The following NLGN4Y variants were observed in gnomAD, a reference collection of about 807,000 sequenced individuals.
NLGN4Y encodes the protein neuroligin 4 Y-linked, also known as neuroligin-4, Y-linked.
In NLGN4Y, 4 loss-of-function variants were observed where a neutral mutation model predicts 8.4. The ratio of observed to expected loss-of-function variants is 0.48; its 90% CI spans 0.23 to 1.09. NLGN4Y has a LOEUF of 1.09. Ranked by LOEUF, NLGN4Y falls within the 50% of genes least tolerant of loss-of-function variation. The probability of loss-of-function intolerance (pLI) is 0.19; values close to 1 mark genes in which losing one functional copy is unlikely to be tolerated. For missense variants in NLGN4Y, 90 were observed against 192.3 expected (o/e 0.47, Z 3.15); for synonymous variants, 35 against 75.6 (o/e 0.46, Z 2.78).
intron 2 of NLGN4Y, among the ~76,000 whole-genome samples, chrY:14,671,844 C>G (rs765264469): frequency 4.8e-4 from 15 of 31,196 alleles, no homozygotes; most frequent in Non-Finnish European, 9.3e-4. Flanking sequence ...GAAACTCCAT[C>G]TCAAAAAAAA....
intron 4 of NLGN4Y, among the ~76,000 whole-genome samples, chrY:14,758,592 G>C: frequency 3.0e-5 from 1 of 33,603 alleles, no homozygotes; most frequent in Non-Finnish European, 7.3e-5. Context: ...CAGGCGTCTA[G>C]ATAGACCATC....
Position 14,828,244 on chromosome Y carries a change from A to G in NLGN4Y, c.872-1486A>G, listed in dbSNP as rs377345248. On this transcript the variant is annotated intron_variant, in intron 5 of 6. Transcript: ENST00000684976. ...CCTAACATACAAATAACTGTTTTAT[A>G]TATGTTACTTATATATATGTGTGTG... is the stretch of plus-strand genomic sequence containing the variant. Among the ~76,000 whole-genome samples, 59 of 31,443 alleles carry G rather than the reference A, an allele frequency of 1.9e-3. No individual in the cohort carries two copies. In the East Asian group the frequency reaches 0.048, roughly 26 times the overall value. 84.4% of individuals were successfully genotyped at this position (31,443 alleles called of 37,273 possible). A position where few individuals can be genotyped will look rare whatever the true frequency, so the allele number is the denominator to read the frequency against.
chrY:14,679,919 T>C (rs564553807), intron 2 of NLGN4Y, among the ~76,000 whole-genome samples: 1 of 33,038 alleles, frequency 3.0e-5, no homozygotes, highest in Non-Finnish European at 7.5e-5. Flanking sequence ...GAGAGGAGTA[T>C]CTCCTCAAAG....
chrY:14,773,047 T>C (rs2081112065), intron 4 of NLGN4Y, among the ~76,000 whole-genome samples: 1 of 32,673 alleles, frequency 3.1e-5, no homozygotes, highest in African/African-American at 1.2e-4. Flanking sequence ...CTATTCAACA[T>C]AATATTGGAA....
chrY:14,695,051 A>G (rs2080822845), intron 2 of NLGN4Y, among the ~76,000 whole-genome samples: 1 of 33,930 alleles, frequency 2.9e-5, no homozygotes, highest in Admixed American at 2.7e-4. Context: ...CAGCTGATAT[A>G]GCTAAAGAAG....
chrY:14,679,724 T>C, intron 2 of NLGN4Y, among the ~76,000 whole-genome samples: 1 of 33,033 alleles, frequency 3.0e-5, no homozygotes, highest in South Asian at 6.8e-4. Flanking sequence ...GTGATGTTAT[T>C]GGGTAATGAT....
intron 1 of NLGN4Y, among the ~76,000 whole-genome samples, chrY:14,611,391 C>CT (rs368127559): frequency 3.0e-3 from 42 of 14,220 alleles, no homozygotes; most frequent in South Asian, 5.7e-3. Context: ...TTTTTTTTTT[C>CT]TTTTTTTTTT....
At chrY:14,554,652 A>G in intron 1 of NLGN4Y, among the ~76,000 whole-genome samples, 1 of 33,685 alleles carries the variant, frequency 3.0e-5, no homozygotes, top group African/African-American at 1.2e-4. Context: ...TTTTTAAAAA[A>G]CTGAAAATAT....
chrY:14,530,151 CAAAAATT>C (rs2080106551), intron 1 of NLGN4Y, among the ~76,000 whole-genome samples: 1 of 29,502 alleles, frequency 3.4e-5, no homozygotes, highest in Non-Finnish European at 8.0e-5. Context: ...CACAAAGAAA[CAAAAATT>C]AAAAACAAAG....
intron 4 of NLGN4Y, among the ~76,000 whole-genome samples, chrY:14,762,611 T>A: frequency 5.8e-5 from 2 of 34,292 alleles, no homozygotes; most frequent in African/African-American, 1.1e-4. Flanking sequence ...CTACTATTTT[T>A]AAAAACATCT....
chrY:14,605,238 G>T, intron 1 of NLGN4Y, among the ~76,000 whole-genome samples: 1 of 32,672 alleles, frequency 3.1e-5, no homozygotes, highest in Non-Finnish European at 7.4e-5. Context: ...CCACTTATAA[G>T]TGAGAACATG....
At chrY:14,825,908 G>C in intron 5 of NLGN4Y, among the ~76,000 whole-genome samples, 1 of 33,413 alleles carries the variant, frequency 3.0e-5, no homozygotes, top group Non-Finnish European at 7.4e-5. Context: ...GTGCACTTGG[G>C]CCTCTAAGTA....
chrY:14,524,973 G>A (rs1569354013), intron 1 of NLGN4Y: 1 of 114,494 alleles, frequency 8.7e-6, no homozygotes, highest in African/African-American at 9.7e-5. Flanking sequence ...CTAGTGAGCC[G>A]AGTCGCGAGC....
intron 4 of NLGN4Y, among the ~76,000 whole-genome samples, chrY:14,761,600 A>G (rs956889519): frequency 3.0e-5 from 1 of 33,850 alleles, no homozygotes; most frequent in Non-Finnish European, 7.3e-5. Context: ...AATGTCATGG[A>G]AAAGATTGAT....
intron 1 of NLGN4Y, among the ~76,000 whole-genome samples, chrY:14,583,866 G>A (rs746888154): frequency 1.6e-3 from 56 of 34,095 alleles, no homozygotes; most frequent in Middle Eastern, 0.014. Flanking sequence ...TAGGTTAGAG[G>A]CTTTCTGGTC....
intron 4 of NLGN4Y, among the ~76,000 whole-genome samples, chrY:14,779,854 CCATAGAAGGTCTTAG>C (rs2081140541): frequency 3.0e-5 from 1 of 33,074 alleles, no homozygotes; most frequent in Non-Finnish European, 7.4e-5. Context: ...AGACAGGCAG[CCATAGAAGGTCTTAG>C]ATAAGAAACC....
intron 2 of NLGN4Y, among the ~76,000 whole-genome samples, chrY:14,654,630 CCTT>C (rs2080642609): frequency 3.2e-5 from 1 of 30,986 alleles, no homozygotes; most frequent in Non-Finnish European, 7.7e-5. Context: ...TTTTTTTCCT[CCTT>C]ATAGTTTGGA....
At chrY:14,777,042 AT>A in intron 4 of NLGN4Y, among the ~76,000 whole-genome samples, 1 of 32,405 alleles carries the variant, frequency 3.1e-5, no homozygotes, top group South Asian at 6.8e-4. Context: ...CTTGACCCTG[AT>A]TTTTTTTCTT....
intron 4 of NLGN4Y, among the ~76,000 whole-genome samples, chrY:14,759,588 G>A (rs2081074570): frequency 2.9e-5 from 1 of 34,531 alleles, no homozygotes; most frequent in African/African-American, 1.1e-4. Context: ...GATTACAGGC[G>A]TGAGCCGCCG....
Sources: allele counts gnomAD v4.1 joint callset (sites outside exome capture counted in the v4.1 genomes callset), GRCh38; gene constraint gnomAD v4.1.1; transcripts MANE v1.5; gene names NCBI Gene and HGNC (gene_info 2026-07-23, HGNC 2026-07-21).